PIK3AP1: variants seen among roughly 807,000 people sequenced by gnomAD.
PIK3AP1 encodes the protein phosphoinositide 3-kinase adapter protein 1.
A neutral mutation model predicts 88.1 loss-of-function variants in PIK3AP1; 21 were observed. That is an observed-to-expected ratio of 0.24 (90% CI 0.17 to 0.34). The LOEUF (loss-of-function observed/expected upper bound fraction) is 0.34, where lower values mean the gene tolerates loss of function less well. Ranked by LOEUF, PIK3AP1 falls within the 10% of genes least tolerant of loss-of-function variation. The pLI, the probability that PIK3AP1 is intolerant of heterozygous loss-of-function variation, is 1.00. For synonymous variants in PIK3AP1, 398 were observed against 400.0 expected, an observed-to-expected ratio of 1.00 and a Z score of 0.06; for missense variants, 828 against 1,035.7, an observed-to-expected ratio of 0.80 and a Z score of 2.75.
intron 2 of PIK3AP1, among the ~76,000 whole-genome samples, chr10:96,695,597 T>G (rs1844209217): frequency 6.6e-6 from 1 of 152,148 alleles, no homozygotes; most frequent in Admixed American, 6.5e-5. Context: ...CCTAAGATGG[T>G]CTGACTTCTT....
intron 2 of PIK3AP1, among the ~76,000 whole-genome samples, chr10:96,673,992 T>C (rs1843883244): frequency 6.6e-6 from 1 of 152,140 alleles, no homozygotes; most frequent in Non-Finnish European, 1.5e-5. Context: ...AAGGGTAACT[T>C]TCTGTTCTCA....
At chr10:96,628,325 A>G in intron 9 of PIK3AP1, 73 bp downstream of exon 9, 1 of 1,311,178 alleles carries the variant, frequency 7.6e-7, no homozygotes, top group Non-Finnish European at 1.1e-6. Flanking sequence ...CAACCCTCAT[A>G]GAGAACCAGA....
chr10:96,699,025 C>A (rs895946694), intron 2 of PIK3AP1, among the ~76,000 whole-genome samples: 46 of 151,426 alleles, frequency 3.0e-4, no homozygotes, highest in Non-Finnish European at 5.2e-4. Context: ...TAAAAAAAAA[C>A]CCCACAAAAT....
At chr10:96,679,420 C>T (rs1057390028) in intron 2 of PIK3AP1, among the ~76,000 whole-genome samples, 4 of 151,802 alleles carry the variant, frequency 2.6e-5, no homozygotes, top group African/African-American at 9.7e-5. Flanking sequence ...CCCAGCTACT[C>T]AGGAGGCTGA....
chr10:96,695,100 A>C (rs1041978434), intron 2 of PIK3AP1, among the ~76,000 whole-genome samples: 1 of 152,220 alleles, frequency 6.6e-6, no homozygotes, highest in Non-Finnish European at 1.5e-5. Flanking sequence ...CCAGAAAAAA[A>C]TCTATAACAC....
chr10:96,671,915 G>A (rs1564979145), intron 2 of PIK3AP1, among the ~76,000 whole-genome samples: 1 of 152,102 alleles, frequency 6.6e-6, no homozygotes, highest in African/African-American at 2.4e-5. Flanking sequence ...GTGCACGCCT[G>A]TAGTCCCAGC....
chr10:96,651,671 C>A lies in PIK3AP1; in HGVS notation c.713-20G>T. On this transcript the variant is annotated intron_variant, in intron 4 of 16. Coordinates refer to ENST00000339364, the MANE Select transcript of PIK3AP1 (RefSeq NM_152309.3). Reference sequence around the variant, plus strand: ...AAAGGTCTGAACAGAAGAAAAGACACTATCAAAATTCCCAGGAAAAACAAG... The same window carrying A: ...AAAGGTCTGAACAGAAGAAAAGACAATATCAAAATTCCCAGGAAAAACAAG... The A allele has an allele frequency of 6.2e-7, 1 of 1,610,658 alleles. No homozygotes were observed. The highest frequency in any genetic ancestry group is 8.5e-7 in the Non-Finnish European group (1 of 1,178,838).
chr10:96,650,711 G>A (rs897146920), intron 6 of PIK3AP1, among the ~76,000 whole-genome samples: 3 of 152,208 alleles, frequency 2.0e-5, no homozygotes, highest in African/African-American at 7.2e-5. Context: ...AGTGAGAGAA[G>A]TTAGCCAGGT....
At position 96,651,633 on chromosome 10, in the gene PIK3AP1, A is replaced by T; in HGVS notation, c.731T>A (p.Val244Asp). ...VKAPNLSSGN[V>D]SLKIYSGDLV... is the part of the protein sequence containing the mutation. ...GTCTCCAGAATATATCTTCAGAGAA[A>T]CGTTCCCAGATGAAAGGTCTGAACA... The change falls in exon 5 of 17, where the codon GTT becomes GAT. Residue 244 changes from valine to aspartate, a missense_variant. By Grantham distance (152) the Val-to-Asp change is radical (BLOSUM62 -3). Transcript: ENST00000339364. 1 of 1,614,130 alleles carries T rather than the reference A, an allele frequency of 6.2e-7. No individual in the cohort carries two copies. The highest frequency in any genetic ancestry group is 8.5e-7 in the Non-Finnish European group (1 of 1,179,996).
chr10:96,707,809 T>C (rs1015921788), intron 2 of PIK3AP1, among the ~76,000 whole-genome samples: 1 of 152,194 alleles, frequency 6.6e-6, no homozygotes, highest in African/African-American at 2.4e-5. Flanking sequence ...TGAAAGGCAA[T>C]CATGCAAAAA....
intron 8 of PIK3AP1, among the ~76,000 whole-genome samples, chr10:96,636,050 A>AAAC (rs1178262633): frequency 3.9e-5 from 6 of 152,124 alleles, no homozygotes; most frequent in South Asian, 4.2e-4. Flanking sequence ...TACTAAAAAC[A>AAAC]AACAACAACA....
chr10:96,677,201 C>T (rs1444238890), intron 2 of PIK3AP1, among the ~76,000 whole-genome samples: 1 of 152,134 alleles, frequency 6.6e-6, no homozygotes, highest in African/African-American at 2.4e-5. Context: ...ATCTTCTGCC[C>T]CCGTGACACA....
Position 96,626,783 on chromosome 10 carries a change from C to T in PIK3AP1, c.1594G>A (p.Val532Ile). ...GTGGTCTCTGGTCTGGGCACTGGGA[C>T]AGGGGGCCTGCTGGCCAGGTCCACA... is the stretch of plus-strand genomic sequence containing the variant. ...FSVDLASRPPVPVPRPETTAP... is the reference protein window; with the variant it reads ...FSVDLASRPPIPVPRPETTAP... Residue 532 changes from valine to isoleucine, a missense_variant, in exon 10 of 17, where the codon GTC becomes ATC. By Grantham distance (29) the Val-to-Ile change is conservative. Transcript: ENST00000339364. 1 of 1,614,256 alleles carries T rather than the reference C, an allele frequency of 6.2e-7. No individual in the cohort carries two copies. Among genetic ancestry groups the T allele is most frequent in the South Asian group, 1.1e-5 (1 of 91,090 alleles).
chr10:96,609,497 G>A (rs1849064969), intron 14 of PIK3AP1, among the ~76,000 whole-genome samples: 1 of 152,150 alleles, frequency 6.6e-6, no homozygotes, highest in Non-Finnish European at 1.5e-5. Context: ...TTAGAAAAGG[G>A]CCAGAGTAAT....
At chr10:96,599,641 G>A (rs1439352939) in intron 16 of PIK3AP1, among the ~76,000 whole-genome samples, 1 of 152,112 alleles carries the variant, frequency 6.6e-6, no homozygotes, top group Admixed American at 6.5e-5. Context: ...CTTCAATCCT[G>A]TCTATAAGCA....
intron 15 of PIK3AP1, among the ~76,000 whole-genome samples, chr10:96,602,680 G>A (rs1848919844): frequency 6.6e-6 from 1 of 152,136 alleles, no homozygotes; most frequent in Non-Finnish European, 1.5e-5. Context: ...AGCATCAGGT[G>A]GAAGCTTATT....
intron 8 of PIK3AP1, among the ~76,000 whole-genome samples, chr10:96,637,602 G>C (rs1210770177): frequency 1.3e-5 from 2 of 152,084 alleles, no homozygotes; most frequent in South Asian, 4.2e-4. Context: ...TGCCCACTTT[G>C]GCCTCCCAAA....
chr10:96,708,469 G>A (rs1269104106), intron 2 of PIK3AP1, among the ~76,000 whole-genome samples: 1 of 151,412 alleles, frequency 6.6e-6, no homozygotes, highest in Non-Finnish European at 1.5e-5. Context: ...CAGCTACTCG[G>A]GAGGCTGAGG....
At chr10:96,710,076 G>A in intron 1 of PIK3AP1, 93 bp from the exon 2 acceptor site, 2 of 1,282,116 alleles carry the variant, frequency 1.6e-6, no homozygotes, top group South Asian at 2.9e-5. Context: ...CAGACACTGG[G>A]TCTGGCACCC....
Sources: allele counts gnomAD v4.1 joint callset (sites outside exome capture counted in the v4.1 genomes callset), GRCh38; gene constraint gnomAD v4.1.1; transcripts MANE v1.5; gene names NCBI Gene and HGNC (gene_info 2026-07-23, HGNC 2026-07-21).